C1orf94: variants seen among roughly 807,000 people sequenced by gnomAD.
C1orf94 encodes the protein chromosome 1 open reading frame 94.
A neutral mutation model predicts 53.6 loss-of-function variants in C1orf94; 45 were observed. The observed-to-expected ratio is 0.84, with a 90% CI of 0.66 to 1.08. The LOEUF is 1.08. C1orf94 is among the 50% of genes least tolerant of loss of function. The probability of loss-of-function intolerance (pLI) is 0.00; values close to 1 mark genes in which losing one functional copy is unlikely to be tolerated. For missense variants in C1orf94, 762 were observed against 738.9 expected (o/e 1.03, Z -0.36); for synonymous variants, 304 against 296.1 (o/e 1.03, Z -0.27).
At chr1:34,200,639 G>A (rs1642688366) in intron 2 of C1orf94, 133 bp from the exon 3 acceptor site, 21 of 1,245,030 alleles carry the variant, frequency 1.7e-5, no homozygotes, top group Non-Finnish European at 2.2e-5. Flanking sequence ...TTGGCTGAAA[G>A]AGAGTCCCCC....
chr1:34,169,418 TG>T (rs1239977677), intron 1 of C1orf94, among the ~76,000 whole-genome samples: 3 of 152,136 alleles, frequency 2.0e-5, no homozygotes, highest in Non-Finnish European at 4.4e-5. Flanking sequence ...AAAAGCCCAA[TG>T]CAGTCTAGTG....
In C1orf94 at chr1:34,187,821, A is replaced by G. The variant is rs533801610; in HGVS notation, c.321-9404A>G. ...ACCCAACACTTCTAGTTCTTGCCCA[A>G]CTCACCTGTTCCCTGGAGGGAGAAT... On this transcript the variant is annotated intron_variant, in intron 1 of 6. Coordinates refer to ENST00000488417, the MANE Select transcript of C1orf94 (RefSeq NM_001134734.2). Among the ~76,000 whole-genome samples, 110 of 105,166 alleles carry G rather than the reference A, an allele frequency of 1.0e-3. 2 individuals are homozygous for G. Among genetic ancestry groups the G allele is most frequent in the African/African-American group, 4.0e-3 (108 of 26,834 alleles). 69.0% of individuals were successfully genotyped at this position (105,166 alleles called of 152,430 possible).
chr1:34,170,998 C>T (rs1475495338), intron 1 of C1orf94, among the ~76,000 whole-genome samples: 1 of 152,196 alleles, frequency 6.6e-6, no homozygotes. Context: ...TGCTCTTGCC[C>T]TATTCAATGC....
At chr1:34,206,571 A>C (rs67447902) in intron 4 of C1orf94, among the ~76,000 whole-genome samples, 21,320 of 152,292 alleles carry the variant, frequency 0.14, 1,685 homozygotes, top group Middle Eastern at 0.24. Context: ...AGAAACAGAA[A>C]CAGGCAGGCG....
At chr1:34,203,126 A>C (rs767041176) in intron 4 of C1orf94, among the ~76,000 whole-genome samples, 1 of 152,052 alleles carries the variant, frequency 6.6e-6, no homozygotes, top group Non-Finnish European at 1.5e-5. Flanking sequence ...CAGGGACTAG[A>C]TCATCCTCAT....
chr1:34,216,062 C>T (rs527858476), intron 6 of C1orf94, among the ~76,000 whole-genome samples: 2 of 152,150 alleles, frequency 1.3e-5, no homozygotes, highest in South Asian at 4.2e-4. Flanking sequence ...TGACCAAGGT[C>T]ATGATGACCA....
chr1:34,190,561 C>T (rs116099850), intron 1 of C1orf94, among the ~76,000 whole-genome samples: 2,820 of 152,298 alleles, frequency 0.019, 35 homozygotes, highest in East Asian at 0.048. Context: ...CCTTTAGGCC[C>T]CAGCTTAAAA....
At chr1:34,218,656 A>G (rs761275837) in intron 6 of C1orf94, 30 bp from the exon 7 acceptor site, 2 of 1,584,582 alleles carry the variant, frequency 1.3e-6, no homozygotes, top group South Asian at 1.1e-5. Flanking sequence ...TAGGAATCTC[A>G]TCATGGCATC....
chr1:34,212,119 A>G (rs1417877563), intron 5 of C1orf94, 91 bp from the exon 6 acceptor site: 1 of 1,169,286 alleles, frequency 8.6e-7, no homozygotes, highest in East Asian at 2.6e-5. Flanking sequence ...GTGACTGAGG[A>G]GCACAGGGGC....
At chr1:34,168,715 A>C (rs888841731) in intron 1 of C1orf94, among the ~76,000 whole-genome samples, 5 of 152,146 alleles carry the variant, frequency 3.3e-5, no homozygotes, top group African/African-American at 9.7e-5. Flanking sequence ...GTGTCCTCAC[A>C]TGTGTTCCCA....
rs766468295 is a variant in C1orf94 at position 34,212,395 on chromosome 1, C to T, written c.1710C>T (p.Pro570=). ...MAGDGPQYLF[P]QGYGFGSTSG... ...GAGATGGACCGCAGTACCTCTTTCC[C>T]CAAGGATATGGGTGAGTCAGCCCAC... The change falls in exon 6 of 7, where the codon CCC becomes CCT. Residue 570 remains proline, a synonymous_variant. Coordinates refer to ENST00000488417, the MANE Select transcript of C1orf94 (RefSeq NM_001134734.2). 2.5e-6 allele frequency: 4 copies of T among 1,611,500 alleles called. No homozygotes were observed. In the Admixed American group the frequency reaches 6.7e-5, roughly 27 times the overall value.
chr1:34,179,873 G>A (rs1486218299), intron 1 of C1orf94, among the ~76,000 whole-genome samples: 1 of 152,184 alleles, frequency 6.6e-6, no homozygotes, highest in Non-Finnish European at 1.5e-5. Flanking sequence ...TTCAGCCAGA[G>A]CTGTTTAGCT....
At chr1:34,202,025 T>A (rs1642715593) in intron 3 of C1orf94, 59 bp from the exon 4 acceptor site, 2 of 1,556,190 alleles carry the variant, frequency 1.3e-6, no homozygotes, top group Non-Finnish European at 1.8e-6. Flanking sequence ...ATGCTGAAGG[T>A]GTCCTGGCCT....
At chr1:34,196,431 G>A (rs1642581906) in intron 1 of C1orf94, among the ~76,000 whole-genome samples, 1 of 152,122 alleles carries the variant, frequency 6.6e-6, no homozygotes, top group South Asian at 2.1e-4. Context: ...GTACATGAAG[G>A]GAGGCCCAGT....
intron 1 of C1orf94, among the ~76,000 whole-genome samples, chr1:34,169,716 G>C (rs1457212104): frequency 6.6e-6 from 1 of 152,004 alleles, no homozygotes; most frequent in African/African-American, 2.4e-5. Context: ...AGGGCTACAG[G>C]ACAAAGATGG....
At chr1:34,186,523 C>A (rs1642387499) in intron 1 of C1orf94, among the ~76,000 whole-genome samples, 1 of 152,194 alleles carries the variant, frequency 6.6e-6, no homozygotes, top group African/African-American at 2.4e-5. Context: ...GTTTGAGATT[C>A]TTGGCAGCCA....
chr1:34,206,835 G>A (rs1642802615), intron 4 of C1orf94, among the ~76,000 whole-genome samples: 1 of 152,200 alleles, frequency 6.6e-6, no homozygotes, highest in African/African-American at 2.4e-5. Flanking sequence ...AGGGGAGCAG[G>A]TGAGTGGTTT....
intron 4 of C1orf94, among the ~76,000 whole-genome samples, chr1:34,207,283 GT>G (rs1642816067): frequency 6.6e-6 from 1 of 151,902 alleles, no homozygotes; most frequent in Non-Finnish European, 1.5e-5. Flanking sequence ...GTGTGTGTGT[GT>G]GTGTGTGTGT....
At chr1:34,216,245 A>G (rs1642985651) in intron 6 of C1orf94, among the ~76,000 whole-genome samples, 1 of 152,126 alleles carries the variant, frequency 6.6e-6, no homozygotes, top group Non-Finnish European at 1.5e-5. Context: ...TGATATTTCA[A>G]GGCAAGGGAT....
Sources: allele counts gnomAD v4.1 joint callset (sites outside exome capture counted in the v4.1 genomes callset), GRCh38; gene constraint gnomAD v4.1.1; transcripts MANE v1.5; gene names NCBI Gene and HGNC (gene_info 2026-07-23, HGNC 2026-07-21).